HMGXB4: variants seen among roughly 807,000 people sequenced by gnomAD.
The protein encoded by HMGXB4 is HMG domain-containing protein 4.
Under a neutral mutation model 63.9 loss-of-function variants are expected in HMGXB4, and 27 were observed. The observed-to-expected ratio is 0.42, with a 90% CI of 0.31 to 0.58. The LOEUF (loss-of-function observed/expected upper bound fraction) is 0.58, where lower values mean the gene tolerates loss of function less well. HMGXB4 is among the 20% of genes least tolerant of loss of function. The pLI is 0.13. For missense variants in HMGXB4, 624 were observed against 700.7 expected (o/e 0.89, Z 1.24); for synonymous variants, 264 against 265.3 (o/e 0.99, Z 0.05).
the HMGXB4 span, among the ~76,000 whole-genome samples, chr22:35,245,657 T>C: frequency 6.6e-6 from 1 of 152,226 alleles, no homozygotes; most frequent in African/African-American, 2.4e-5. Flanking sequence ...CTCTAGATCT[T>C]ACTTAAACCT....
At chr22:35,241,703 C>T in the HMGXB4 span, among the ~76,000 whole-genome samples, 3 of 152,250 alleles carry the variant, frequency 2.0e-5, no homozygotes, top group African/African-American at 4.8e-5. Context: ...AGCTTCTCCA[C>T]TGGGGGCGTG....
chr22:35,265,353 C>A lies in HMGXB4; in HGVS notation c.965C>A (p.Ser322Ter). The A allele has an allele frequency of 6.2e-7, 1 of 1,613,154 alleles. No homozygotes were observed. Among genetic ancestry groups the A allele is most frequent in the South Asian group, 1.1e-5 (1 of 90,934 alleles). ...CGAGAAATCAAGAAGAAAAAGAAGT[C>A]AAAGAAGAGCAAAAAGAAGAAAGAC... is the stretch of plus-strand genomic sequence containing the variant. ...SYREIKKKKK[S>*]KKSKKKKDKE... is the part of the protein sequence containing the mutation. The change falls in exon 5 of 11, where the codon TCA becomes TAA. Residue 322 changes from serine (S) to a stop codon, truncating the protein, a stop_gained. Transcript: ENST00000216106. LOFTEE classifies it high-confidence loss of function.
chr22:35,264,579 G>A lies in HMGXB4; in HGVS notation c.260-69G>A, dbSNP rs1009301951. ...TTTCTCATGTTAGCTAGGTGCTTTT[G>A]ATGAGAGAGGAAACTTGTTAGAAGT... is the stretch of plus-strand genomic sequence containing the variant. On this transcript the variant is annotated intron_variant, in intron 4 of 10. Transcript: ENST00000216106. 9 of 1,105,576 alleles carry A rather than the reference G, an allele frequency of 8.1e-6. No individual in the cohort carries two copies. The East Asian group carries it at 1.9e-4, about 23-fold the overall frequency. 68.5% of individuals were successfully genotyped at this position (1,105,576 alleles called of 1,614,324 possible).
chr22:35,274,494 T>C (rs1413050504), intron 5 of HMGXB4, among the ~76,000 whole-genome samples: 2 of 152,258 alleles, frequency 1.3e-5, no homozygotes, highest in African/African-American at 2.4e-5. Context: ...TCGTATGTTC[T>C]AGGCACTACA....
At chr22:35,248,587 T>A in the HMGXB4 span, among the ~76,000 whole-genome samples, 14 of 151,950 alleles carry the variant, frequency 9.2e-5, no homozygotes, top group South Asian at 4.2e-4. Flanking sequence ...CATATTTTAG[T>A]AGAGACAGGG....
chr22:35,264,591 A>G (rs1429387912), intron 4 of HMGXB4, 57 bp from the exon 5 acceptor site: 12 of 1,256,784 alleles, frequency 9.5e-6, no homozygotes, highest in Non-Finnish European at 1.2e-5. Context: ...TGAGAGAGGA[A>G]ACTTGTTAGA....
Position 35,267,768 on chromosome 22 carries a change from C to T in HMGXB4, c.1215+2165C>T, listed in dbSNP as rs1923350439. ...TTCTGTAATGAAAACTGTATCTCCT[C>T]CACCAGGAGTTTACAGTTAATATTT... On this transcript the variant is annotated intron_variant, in intron 5 of 10. Coordinates refer to ENST00000216106, the MANE Select transcript of HMGXB4 (RefSeq NM_001003681.3). Among the ~76,000 whole-genome samples the T allele has an allele frequency of 2.6e-5, 4 of 152,220 alleles. No individual in the cohort carries two copies. In the East Asian group the frequency reaches 5.8e-4, roughly 22 times the overall value.
rs1925093902 is a variant in HMGXB4, at chr22:35,294,016, C to T, written c.*365C>T. On this transcript the variant is annotated 3_prime_UTR_variant, in exon 11 of 11. Transcript: ENST00000216106. ...TGGACAGCTAAAATGTGATTATTTT[C>T]CAAGCTCAGTTGGACCTCCAGACCC... 1 of 158,042 alleles carries T rather than the reference C, an allele frequency of 6.3e-6. No individual in the cohort carries two copies. Among genetic ancestry groups the T allele is most frequent in the South Asian group, 2.0e-4 (1 of 4,928 alleles). The allele number at this position is 158,042 out of a possible 1,614,324, so 9.8% of individuals were successfully genotyped here.
intron 6 of HMGXB4, among the ~76,000 whole-genome samples, chr22:35,285,193 C>G (rs1341743867): frequency 6.6e-6 from 1 of 152,094 alleles, no homozygotes; most frequent in Non-Finnish European, 1.5e-5. Context: ...ATTGCTGGAG[C>G]CCAGGAGTTT....
the HMGXB4 span, among the ~76,000 whole-genome samples, chr22:35,248,401 CTTTTT>C: frequency 2.9e-5 from 3 of 102,952 alleles, no homozygotes; most frequent in African/African-American, 7.3e-5. Context: ...GAGGTCGGGA[CTTTTT>C]TTTTTTTTTT....
chr22:35,267,347 T>C (rs1923327906), intron 5 of HMGXB4, among the ~76,000 whole-genome samples: 1 of 152,180 alleles, frequency 6.6e-6, no homozygotes, highest in Non-Finnish European at 1.5e-5. Flanking sequence ...GTGTTCTTTA[T>C]AAGATTCTGT....
chr22:35,261,060 A>G (rs1487697793), intron 1 of HMGXB4, among the ~76,000 whole-genome samples: 1 of 152,244 alleles, frequency 6.6e-6, no homozygotes, highest in Non-Finnish European at 1.5e-5. Context: ...ACTTAATTGG[A>G]TGAGAACATT....
chr22:35,257,697 G>A (rs1281921504), intron 1 of HMGXB4, 140 bp downstream of exon 1: 1 of 152,488 alleles, frequency 6.6e-6, no homozygotes, highest in Non-Finnish European at 1.5e-5. Context: ...GCCTAGCCCA[G>A]GGGCCGAGCC....
intron 2 of HMGXB4, 69 bp downstream of exon 2, chr22:35,262,490 T>G (rs937653072): frequency 2.7e-6 from 4 of 1,467,676 alleles, no homozygotes; most frequent in Non-Finnish European, 2.9e-6. Flanking sequence ...CCCATGGATA[T>G]AGAGACCAGG....
chr22:35,252,455 C>T (rs928970949), upstream of HMGXB4, among the ~76,000 whole-genome samples: 11 of 152,158 alleles, frequency 7.2e-5, no homozygotes, highest in Non-Finnish European at 1.0e-4. Flanking sequence ...CACAGAAGCA[C>T]GATCATGCAA....
intron 8 of HMGXB4, 100 bp from the exon 9 acceptor site, chr22:35,288,138 C>G: frequency 9.8e-7 from 1 of 1,019,384 alleles, no homozygotes; most frequent in African/African-American, 1.6e-5. Flanking sequence ...TTGCTAATGC[C>G]TGGTATAATT....
chr22:35,256,537 T>A (rs1922412942), upstream of HMGXB4, among the ~76,000 whole-genome samples: 1 of 152,124 alleles, frequency 6.6e-6, no homozygotes, highest in Non-Finnish European at 1.5e-5. Context: ...TCTCACTCTG[T>A]CCCCCAGGCT....
intron 5 of HMGXB4, among the ~76,000 whole-genome samples, chr22:35,267,703 T>C (rs575496172): frequency 1.3e-5 from 2 of 152,236 alleles, no homozygotes; most frequent in African/African-American, 2.4e-5. Flanking sequence ...TTTCTCAACA[T>C]TTTATTATGA....
intron 5 of HMGXB4, among the ~76,000 whole-genome samples, chr22:35,271,845 T>C (rs1393370438): frequency 6.6e-6 from 1 of 152,222 alleles, no homozygotes; most frequent in East Asian, 1.9e-4. Context: ...AGTAGTGCCA[T>C]ATCTTTTCAA....
Sources: allele counts gnomAD v4.1 joint callset (sites outside exome capture counted in the v4.1 genomes callset), GRCh38; gene constraint gnomAD v4.1.1; transcripts MANE v1.5; gene names NCBI Gene and HGNC (gene_info 2026-07-23, HGNC 2026-07-21).